B3GALT1: variants seen among roughly 807,000 people sequenced by gnomAD.
B3GALT1 encodes the protein UDP-Gal:betaGlcNAc beta 1,3-galactosyltransferase, polypeptide 1.
A neutral mutation model predicts 23.2 loss-of-function variants in B3GALT1; 10 were observed. The observed-to-expected ratio is 0.43, with a 90% CI of 0.27 to 0.73. The LOEUF is 0.73. B3GALT1 is among the 30% of genes least tolerant of loss of function. The pLI is 0.21. For missense variants in B3GALT1, 299 were observed against 405.4 expected (o/e 0.74, Z 2.25); for synonymous variants, 156 against 141.5 (o/e 1.10, Z -0.73).
chr2:167,651,408 A>G (rs1471979692), intron 3 of B3GALT1, among the ~76,000 whole-genome samples: 1 of 152,154 alleles, frequency 6.6e-6, no homozygotes, highest in East Asian at 1.9e-4. Context: ...CTGATAACTT[A>G]ACATCTTCGT....
intron 4 of B3GALT1, among the ~76,000 whole-genome samples, chr2:167,828,150 AAAG>A (rs2105375275): frequency 6.6e-6 from 1 of 152,332 alleles, no homozygotes; most frequent in East Asian, 1.9e-4. Flanking sequence ...CCTGGGCCTA[AAAG>A]AAGTGGATGC....
chr2:167,838,562 G>C (rs1430307373), intron 4 of B3GALT1, among the ~76,000 whole-genome samples: 1 of 152,264 alleles, frequency 6.6e-6, no homozygotes, highest in African/African-American at 2.4e-5. Flanking sequence ...AAGAGTCCAG[G>C]ACCAGAAGGA....
chr2:167,770,520 C>T (rs1047743657), intron 3 of B3GALT1, among the ~76,000 whole-genome samples: 6 of 152,032 alleles, frequency 3.9e-5, no homozygotes, highest in Non-Finnish European at 7.4e-5. Flanking sequence ...GCGTATAAGT[C>T]GTTTCTCAGA....
At chr2:167,550,593 A>G (rs909235196) in intron 2 of B3GALT1, among the ~76,000 whole-genome samples, 2 of 152,226 alleles carry the variant, frequency 1.3e-5, no homozygotes, top group Non-Finnish European at 2.9e-5. Flanking sequence ...ACATGGTAGC[A>G]TTGAATTTCC....
intron 2 of B3GALT1, among the ~76,000 whole-genome samples, chr2:167,559,833 T>G (rs1289720082): frequency 6.6e-6 from 1 of 152,178 alleles, no homozygotes; most frequent in Non-Finnish European, 1.5e-5. Context: ...GTCTGATTGG[T>G]GTACCTCAAA....
At chr2:167,839,899 G>C (rs1689596054) in intron 4 of B3GALT1, among the ~76,000 whole-genome samples, 1 of 152,080 alleles carries the variant, frequency 6.6e-6, no homozygotes, top group South Asian at 2.1e-4. Flanking sequence ...TCTGATCTTT[G>C]ACAAACCTGA....
At chr2:167,826,487 C>A (rs941817238) in intron 4 of B3GALT1, among the ~76,000 whole-genome samples, 12 of 152,124 alleles carry the variant, frequency 7.9e-5, no homozygotes, top group Non-Finnish European at 4.4e-5. Flanking sequence ...CTCCCTATGC[C>A]CCTGAGGAGG....
At chr2:167,477,819 A>G (rs907738073) in intron 1 of B3GALT1, among the ~76,000 whole-genome samples, 2 of 152,216 alleles carry the variant, frequency 1.3e-5, no homozygotes, top group Admixed American at 6.5e-5. Flanking sequence ...TGAATCATCA[A>G]TTTTGGGTAC....
rs114352176 is a variant in B3GALT1 at position 167,646,953 on chromosome 2, G to A, written c.-365G>A. Among the ~76,000 whole-genome samples, 4 of 152,132 alleles carry A rather than the reference G, an allele frequency of 2.6e-5. No homozygotes were observed. The highest frequency in any genetic ancestry group is 4.4e-5 in the Non-Finnish European group (3 of 68,006). ...GGTCCTCAGAAGTGTTCTGGAGATCGCCTCTTTGAAAGCGTAAGTGTAAAG... is the reference window on the plus strand; with the variant it reads ...GGTCCTCAGAAGTGTTCTGGAGATCACCTCTTTGAAAGCGTAAGTGTAAAG... On this transcript the variant is annotated 5_prime_UTR_variant, in exon 3 of 5. Coordinates refer to ENST00000392690, the MANE Select transcript of B3GALT1 (RefSeq NM_020981.4).
intron 3 of B3GALT1, among the ~76,000 whole-genome samples, chr2:167,752,805 G>A (rs79827531): frequency 0.14 from 22,047 of 152,172 alleles, 1,850 homozygotes; most frequent in South Asian, 0.19. Context: ...TTTGGCAAGG[G>A]CATTTGGGGA....
chr2:167,696,296 C>CAAAA lies in B3GALT1; in HGVS notation c.-352+49349_-352+49352dup, dbSNP rs35575073. ...ACATCTTAGTCTCATTGGTAAGAGG[C>CAAAA]AAAAAAAAAAAAAAAAAAAAAATAC... On this transcript the variant is annotated intron_variant, in intron 3 of 4. Coordinates refer to ENST00000392690, the MANE Select transcript of B3GALT1 (RefSeq NM_020981.4). Among the ~76,000 whole-genome samples the CAAAA allele has an allele frequency of 5.3e-3, 491 of 91,798 alleles. 14 individuals carry two copies. The highest frequency in any genetic ancestry group is 0.02 in the African/African-American group (448 of 22,132). The allele number at this position is 91,798 out of a possible 152,430, so 60.2% of individuals were successfully genotyped here. A position where few individuals can be genotyped will look rare whatever the true frequency, so the allele number is the denominator to read the frequency against.
intron 2 of B3GALT1, among the ~76,000 whole-genome samples, chr2:167,614,930 A>G (rs1685132997): frequency 6.6e-6 from 1 of 152,020 alleles, no homozygotes; most frequent in South Asian, 2.1e-4. Flanking sequence ...GGTTACTCTT[A>G]AAAGAAGTTT....
At chr2:167,418,343 C>T (rs1394321794) in intron 1 of B3GALT1, among the ~76,000 whole-genome samples, 1 of 151,256 alleles carries the variant, frequency 6.6e-6, no homozygotes, top group Non-Finnish European at 1.5e-5. Context: ...TCATGCAAAG[C>T]ATAATGTTGT....
In B3GALT1 at chr2:167,872,033, C is replaced by G. The variant is rs969930847; in HGVS notation, c.*2013C>G. 2.0e-5 allele frequency: 3 copies of G among 150,488 alleles called. No homozygotes were observed. The highest frequency in any genetic ancestry group is 7.3e-5 in the African/African-American group (3 of 41,066). The allele number at this position is 150,488 out of a possible 1,614,324, so 9.3% of individuals were successfully genotyped here. On this transcript the variant is annotated 3_prime_UTR_variant, in exon 5 of 5. Coordinates refer to ENST00000392690, the MANE Select transcript of B3GALT1 (RefSeq NM_020981.4). ...TCTCCTGCCTCAGCCTCCCGAGTAGCTGGGACTACAGGCGCCCGCCATCAC... is the reference window on the plus strand; with the variant it reads ...TCTCCTGCCTCAGCCTCCCGAGTAGGTGGGACTACAGGCGCCCGCCATCAC...
At chr2:167,863,482 A>T (rs1690146265) in intron 4 of B3GALT1, among the ~76,000 whole-genome samples, 1 of 152,200 alleles carries the variant, frequency 6.6e-6, no homozygotes, top group African/African-American at 2.4e-5. Context: ...GTATTTGGAG[A>T]TAAAACAGAT....
chr2:167,857,252 G>A (rs1201506004), intron 4 of B3GALT1, among the ~76,000 whole-genome samples: 2 of 152,034 alleles, frequency 1.3e-5, no homozygotes, highest in Non-Finnish European at 2.9e-5. Context: ...GGAGAGCATA[G>A]AGAAGTGATA....
rs1232150226 is a variant in B3GALT1 at position 167,436,975 on chromosome 2, C to CGGGGAGCA, written c.-510-53201_-510-53194dup. ...TTTCCCAAGGTGAAAAACTGAGAGGCGGGGAGCAATGTTAAAGTTCTTGTG... is the reference window on the plus strand; with the variant it reads ...TTTCCCAAGGTGAAAAACTGAGAGGCGGGGAGCAGGGGAGCAATGTTAAAGTTCTTGTG... On this transcript the variant is annotated intron_variant, in intron 1 of 4. Transcript: ENST00000392690. 9.1e-4 allele frequency among the ~76,000 whole-genome samples: 138 copies of CGGGGAGCA among 152,190 alleles called. 1 individual carries two copies. The highest frequency in any genetic ancestry group is 2.7e-3 in the African/African-American group (112 of 41,516).
chr2:167,380,169 C>T (rs1231602064), intron 1 of B3GALT1, among the ~76,000 whole-genome samples: 1 of 152,082 alleles, frequency 6.6e-6, no homozygotes, highest in Non-Finnish European at 1.5e-5. Flanking sequence ...GAGGGTGTCC[C>T]CCTGCATGAG....
chr2:167,568,250 G>A (rs530740712), intron 2 of B3GALT1, among the ~76,000 whole-genome samples: 10 of 152,138 alleles, frequency 6.6e-5, no homozygotes, highest in Admixed American at 3.9e-4. Flanking sequence ...ATAATTGCTC[G>A]TAGATACCTA....
Sources: allele counts gnomAD v4.1 joint callset (sites outside exome capture counted in the v4.1 genomes callset), GRCh38; gene constraint gnomAD v4.1.1; transcripts MANE v1.5; gene names NCBI Gene and HGNC (gene_info 2026-07-23, HGNC 2026-07-21).